MEIS1: variants seen among roughly 807,000 people sequenced by gnomAD.
MEIS1 encodes homeobox protein Meis1.
MEIS1 carries 5 observed loss-of-function variants against 50.8 expected under a neutral mutation model. The observed-to-expected ratio is 0.10, with a 90% CI of 0.05 to 0.21. MEIS1 has a LOEUF of 0.21. Ranked by LOEUF, MEIS1 falls within the 10% of genes least tolerant of loss-of-function variation. MEIS1 has a pLI of 1.00. For missense variants in MEIS1, 318 were observed against 517.3 expected (o/e 0.61, Z 3.74); for synonymous variants, 176 against 179.3 (o/e 0.98, Z 0.15).
At chr2:66,537,327 G>A (rs932115573) in intron 8 of MEIS1, among the ~76,000 whole-genome samples, 2 of 152,218 alleles carry the variant, frequency 1.3e-5, no homozygotes, top group Non-Finnish European at 2.9e-5. Flanking sequence ...TCTGCTGTTT[G>A]TATGCCGTCT....
At position 66,437,893 on chromosome 2, in the gene MEIS1, A is replaced by C. The variant is rs1671841103; in HGVS notation, c.169A>C (p.Asn57His). The part of the protein sequence containing the change: ...SHQYPHTAHT[N>H]AMAPSMGSSV... Reference sequence around the variant, plus strand: ...TCAGTACCCGCACACAGCTCATACCAACGCCATGGCCCCCAGCATGGGCTC... The same window carrying C: ...TCAGTACCCGCACACAGCTCATACCCACGCCATGGCCCCCAGCATGGGCTC... The change falls in exon 2 of 13, where the codon AAC becomes CAC. Residue 57 changes from asparagine to histidine, a missense_variant. By Grantham distance (68) the Asn-to-His change is moderately conservative. Transcript: ENST00000272369. The C allele has an allele frequency of 1.9e-6, 3 of 1,610,392 alleles. No homozygotes were observed. Among genetic ancestry groups the C allele is most frequent in the Non-Finnish European group, 2.5e-6 (3 of 1,178,208 alleles).
chr2:66,441,322 G>T, intron 4 of MEIS1, 92 bp from the exon 5 acceptor site: 1 of 1,059,038 alleles, frequency 9.4e-7, no homozygotes, highest in Non-Finnish European at 1.3e-6. Flanking sequence ...CTATTTACTG[G>T]TGGGAGGGGG....
At chr2:66,470,258 G>C (rs1672734625) in intron 7 of MEIS1, among the ~76,000 whole-genome samples, 1 of 152,154 alleles carries the variant, frequency 6.6e-6, no homozygotes, top group Non-Finnish European at 1.5e-5. Context: ...ATTTAATGTT[G>C]ACCTGCAAAT....
At chr2:66,511,305 A>G (rs1197630395) in intron 7 of MEIS1, among the ~76,000 whole-genome samples, 1 of 152,180 alleles carries the variant, frequency 6.6e-6, no homozygotes, top group Non-Finnish European at 1.5e-5. Context: ...TCATTATGTC[A>G]CAGAGCCAAA....
At position 66,542,166 on chromosome 2, in the gene MEIS1, G is replaced by A. The variant is rs534931578; in HGVS notation, c.889-5777G>A. Among the ~76,000 whole-genome samples the A allele has an allele frequency of 4.6e-5, 7 of 152,178 alleles. No homozygotes were observed. In the East Asian group the frequency reaches 9.7e-4, roughly 21 times the overall value. ...ACAAGTTTCTGCTTAGTCTCTTAGA[G>A]GTCAAATATATAGCTGGTTATTTTC... On this transcript the variant is annotated intron_variant, in intron 8 of 12. Coordinates refer to ENST00000272369, the MANE Select transcript of MEIS1 (RefSeq NM_002398.3).
intron 9 of MEIS1, among the ~76,000 whole-genome samples, chr2:66,553,843 A>G (rs1225257627): frequency 6.6e-6 from 1 of 152,228 alleles, no homozygotes; most frequent in African/African-American, 2.4e-5. Context: ...ACTGTTAAAG[A>G]CGAAAGCTCC....
chr2:66,509,965 A>G (rs1673784350), intron 7 of MEIS1, among the ~76,000 whole-genome samples: 2 of 152,202 alleles, frequency 1.3e-5, no homozygotes, highest in Admixed American at 1.3e-4. Flanking sequence ...TGAGGTGGAT[A>G]AAAAGGCTAT....
chr2:66,495,953 G>C (rs1572854258), intron 7 of MEIS1: 1 of 152,472 alleles, frequency 6.6e-6, no homozygotes, highest in Non-Finnish European at 1.5e-5. Flanking sequence ...GGCCAATTCA[G>C]AAGTCAGGCA....
At chr2:66,515,654 A>C (rs1673947730) in intron 8 of MEIS1, among the ~76,000 whole-genome samples, 1 of 152,166 alleles carries the variant, frequency 6.6e-6, no homozygotes, top group Non-Finnish European at 1.5e-5. Flanking sequence ...GGTAAGAAGA[A>C]ATTTCAGTGA....
intron 6 of MEIS1, among the ~76,000 whole-genome samples, chr2:66,456,422 G>A (rs1203136280): frequency 6.6e-6 from 1 of 152,168 alleles, no homozygotes; most frequent in African/African-American, 2.4e-5. Flanking sequence ...TAACCAAGAT[G>A]CATTTCTAGA....
intron 8 of MEIS1, among the ~76,000 whole-genome samples, chr2:66,531,501 T>C (rs1316790054): frequency 6.6e-6 from 1 of 152,212 alleles, no homozygotes; most frequent in African/African-American, 2.4e-5. Context: ...TAAAAATTGG[T>C]TTCCTATTCA....
intron 8 of MEIS1, among the ~76,000 whole-genome samples, chr2:66,533,092 C>T (rs1020555937): frequency 6.6e-5 from 10 of 152,104 alleles, no homozygotes; most frequent in Non-Finnish European, 7.4e-5. Context: ...CATGCAAGGG[C>T]GAGTTCTCAC....
At chr2:66,552,798 T>C (rs1439090417) in intron 9 of MEIS1, among the ~76,000 whole-genome samples, 1 of 152,154 alleles carries the variant, frequency 6.6e-6, no homozygotes, top group Non-Finnish European at 1.5e-5. Flanking sequence ...TTACAAATAA[T>C]CAAAGATTCT....
chr2:66,540,558 A>G (rs1674626627), intron 8 of MEIS1, among the ~76,000 whole-genome samples: 1 of 152,170 alleles, frequency 6.6e-6, no homozygotes, highest in South Asian at 2.1e-4. Context: ...TTGGCCTTCC[A>G]AAGTGCTGGG....
chr2:66,464,402 ACTGT>A (rs1259962196), intron 7 of MEIS1, among the ~76,000 whole-genome samples, 182 bp downstream of exon 7: 1 of 152,178 alleles, frequency 6.6e-6, no homozygotes, highest in Non-Finnish European at 1.5e-5. Flanking sequence ...CAGCTGCTTA[ACTGT>A]CTGTCACCTG....
chr2:66,516,283 G>A (rs1367102722), intron 8 of MEIS1, among the ~76,000 whole-genome samples: 2 of 152,140 alleles, frequency 1.3e-5, no homozygotes, highest in African/African-American at 4.8e-5. Flanking sequence ...TTAGGGATAA[G>A]GGAGGGAGGT....
At chr2:66,533,709 G>T (rs570633422) in intron 8 of MEIS1, among the ~76,000 whole-genome samples, 6 of 152,110 alleles carry the variant, frequency 3.9e-5, no homozygotes, top group Admixed American at 2.0e-4. Flanking sequence ...CATAAATTGT[G>T]CAGGGCTTCT....
chr2:66,562,048 T>TA (rs1252497890), intron 9 of MEIS1: 17 of 133,286 alleles, frequency 1.3e-4, no homozygotes, highest in African/African-American at 4.8e-4. Context: ...ATTTTTTTTT[T>TA]TTTTTTTTTT....
At chr2:66,518,731 C>T (rs996545402) in intron 8 of MEIS1, among the ~76,000 whole-genome samples, 3 of 152,032 alleles carry the variant, frequency 2.0e-5, no homozygotes, top group African/African-American at 4.8e-5. Flanking sequence ...ATTTTTTTAA[C>T]GAACTCAATC....
Sources: allele counts gnomAD v4.1 joint callset (sites outside exome capture counted in the v4.1 genomes callset), GRCh38; gene constraint gnomAD v4.1.1; transcripts MANE v1.5; gene names NCBI Gene and HGNC (gene_info 2026-07-23, HGNC 2026-07-21).